Variants in FKTN observed in about 807,000 individuals in gnomAD.
The protein encoded by FKTN is fukutin.
In FKTN, 47 loss-of-function variants were observed where a neutral mutation model predicts 58.6. That is an observed-to-expected ratio of 0.80 (90% CI 0.63 to 1.02). FKTN has a LOEUF of 1.02. Ranked by LOEUF, FKTN falls within the 50% of genes least tolerant of loss-of-function variation. FKTN has a pLI of 0.00. For synonymous variants in FKTN, 178 were observed against 191.9 expected, an observed-to-expected ratio of 0.93 and a Z score of 0.60; for missense variants, 516 against 537.3, an observed-to-expected ratio of 0.96 and a Z score of 0.39.
At chr9:105,630,288 G>A (rs570751519) in intron 10 of FKTN, among the ~76,000 whole-genome samples, 73 of 152,226 alleles carry the variant, frequency 4.8e-4, no homozygotes, top group Admixed American at 1.2e-3. Flanking sequence ...ACAAAATGCG[G>A]TAGATAACTA....
chr9:105,640,174 A>G lies in FKTN; in HGVS notation c.*4910A>G. ...GACTGAAATCCTAATTACAGTTCATAAGTGAAACAGACTAATTCAATGGCA... is the reference window on the plus strand; with the variant it reads ...GACTGAAATCCTAATTACAGTTCATGAGTGAAACAGACTAATTCAATGGCA... On this transcript the variant is annotated 3_prime_UTR_variant, in exon 11 of 11. Coordinates refer to ENST00000357998, the MANE Select transcript of FKTN (RefSeq NM_001079802.2). 1 of 1,534,250 alleles carries G rather than the reference A, an allele frequency of 6.5e-7. No homozygotes were observed.
chr9:105,596,116 G>A (rs1400259323), intron 3 of FKTN, among the ~76,000 whole-genome samples: 1 of 152,146 alleles, frequency 6.6e-6, no homozygotes, highest in East Asian at 1.9e-4. Context: ...TGTTTACCTT[G>A]CAGGATTGTT....
intron 3 of FKTN, among the ~76,000 whole-genome samples, chr9:105,589,497 A>T (rs1321299538): frequency 6.6e-6 from 1 of 151,292 alleles, no homozygotes; most frequent in Non-Finnish European, 1.5e-5. Flanking sequence ...ATGAGACTCC[A>T]TCTCAAAAAA....
chr9:105,576,422 GT>G (rs1841719210), intron 3 of FKTN, among the ~76,000 whole-genome samples: 2 of 151,568 alleles, frequency 1.3e-5, no homozygotes, highest in South Asian at 4.2e-4. Context: ...GCGGTGTTTG[GT>G]TTTTTGTTCT....
rs2132018294 is a variant in FKTN at position 105,575,125 on chromosome 9, T to C, written c.93T>C (p.Tyr31=). Residue 31 remains tyrosine (Y), a synonymous_variant, in exon 3 of 11, where the codon TAT becomes TAC. Coordinates refer to ENST00000357998, the MANE Select transcript of FKTN (RefSeq NM_001079802.2). ...TTCAGTTGTACTACTACAAGCACTA[T>C]TTATCAACAAAGGTAATTTTATTCC... ...LLFQLYYYKH[Y]LSTKNGAGLS... The C allele has an allele frequency of 6.3e-7, 1 of 1,579,746 alleles. No homozygotes were observed. Among genetic ancestry groups the C allele is most frequent in the Non-Finnish European group, 8.7e-7 (1 of 1,148,786 alleles).
chr9:105,637,725 C>T lies in FKTN; in HGVS notation c.*2461C>T. 1 of 985,382 alleles carries T rather than the reference C, an allele frequency of 1.0e-6. No homozygotes were observed. The highest frequency in any genetic ancestry group is 1.2e-6 in the Non-Finnish European group (1 of 829,930). 61.0% of individuals were successfully genotyped at this position (985,382 alleles called of 1,614,324 possible). ...GACAACTTGTTGGTAGTTAGGCACC[C>T]ATGAATGTCTCCAGAGACATCCTGA... On this transcript the variant is annotated 3_prime_UTR_variant, in exon 11 of 11. Transcript: ENST00000357998.
intron 1 of FKTN, among the ~76,000 whole-genome samples, chr9:105,572,651 G>A (rs1564207200): frequency 6.6e-6 from 1 of 152,282 alleles, no homozygotes; most frequent in East Asian, 1.9e-4. Flanking sequence ...AGTGAATGAG[G>A]AAGTGCACAG....
chr9:105,558,729 A>C (rs1410440651), intron 1 of FKTN, among the ~76,000 whole-genome samples: 1 of 152,184 alleles, frequency 6.6e-6, no homozygotes, highest in Non-Finnish European at 1.5e-5. Flanking sequence ...GCTGTGAACA[A>C]ATGACAAAGT....
chr9:105,634,947 G>C, intron 10 of FKTN, 104 bp from the exon 11 acceptor site: 1 of 895,426 alleles, frequency 1.1e-6, no homozygotes, highest in Non-Finnish European at 1.9e-6. Context: ...CCAAAGCTGT[G>C]TAATGGGAGA....
At chr9:105,610,392 C>T (rs192607947) in intron 7 of FKTN, among the ~76,000 whole-genome samples, 88 of 152,076 alleles carry the variant, frequency 5.8e-4, no homozygotes, top group East Asian at 4.8e-3. Context: ...ATCTCCAGTC[C>T]GGTTAAAAGT....
intron 6 of FKTN, 101 bp from the exon 7 acceptor site, chr9:105,607,718 T>G (rs1829160094): frequency 2.9e-6 from 3 of 1,029,746 alleles, no homozygotes; most frequent in Non-Finnish European, 4.6e-6. Flanking sequence ...ATCAACCTGT[T>G]ATCTAGGTTT....
intron 3 of FKTN, among the ~76,000 whole-genome samples, chr9:105,582,665 C>T (rs184203459): frequency 7.3e-4 from 111 of 152,244 alleles, no homozygotes; most frequent in African/African-American, 2.3e-3. Context: ...GGCTGTTTAT[C>T]CAATGAATGT....
rs191689334 is a variant in FKTN at position 105,637,763 on chromosome 9, C to G, written c.*2499C>G. On this transcript the variant is annotated 3_prime_UTR_variant, in exon 11 of 11. Transcript: ENST00000357998. ...AGAGACATCCTGAGAGGCAAGATTC[C>G]TCTTAATTGATAACCAGGACAACCA... 3.0e-6 allele frequency: 3 copies of G among 985,342 alleles called. No individual in the cohort carries two copies. The highest frequency in any genetic ancestry group is 1.7e-5 in the African/African-American group (1 of 57,334). The allele number at this position is 985,342 out of a possible 1,614,324, so 61.0% of individuals were successfully genotyped here. A position where few individuals can be genotyped will look rare whatever the true frequency, so the allele number is the denominator to read the frequency against.
chr9:105,589,658 C>G (rs1844508642), intron 3 of FKTN, among the ~76,000 whole-genome samples: 1 of 151,934 alleles, frequency 6.6e-6, no homozygotes, highest in Non-Finnish European at 1.5e-5. Flanking sequence ...CTTGGGAAGG[C>G]TATTAATGAA....
chr9:105,627,525 T>C (rs1832889346), intron 10 of FKTN, among the ~76,000 whole-genome samples: 1 of 152,214 alleles, frequency 6.6e-6, no homozygotes, highest in South Asian at 2.1e-4. Context: ...TTTTCTGTTC[T>C]AAGATCTAAT....
intron 3 of FKTN, among the ~76,000 whole-genome samples, chr9:105,594,102 G>A (rs1826291865): frequency 1.3e-5 from 2 of 152,124 alleles, no homozygotes; most frequent in South Asian, 4.2e-4. Flanking sequence ...AAGAAAAATT[G>A]CTGGAGCAAT....
chr9:105,581,118 T>G (rs888804242), intron 3 of FKTN, among the ~76,000 whole-genome samples: 22 of 149,812 alleles, frequency 1.5e-4, no homozygotes, highest in African/African-American at 4.2e-4. Flanking sequence ...TTGAATGTCC[T>G]CCCGTAGCTC....
At chr9:105,634,932 T>C in intron 10 of FKTN, 119 bp from the exon 11 acceptor site, 1 of 836,686 alleles carries the variant, frequency 1.2e-6, no homozygotes, top group South Asian at 1.4e-5. Context: ...ATATCCACTC[T>C]CTTCCCAAAG....
At position 105,641,011 on chromosome 9, in the gene FKTN, C is replaced by G. The variant is rs1357809022; in HGVS notation, c.*5747C>G. ...TACTGTGTGGTTTTATCTTCAGGTA[C>G]AGATAGTTTGTGGTACTACTTGAAA... is the stretch of plus-strand genomic sequence containing the variant. On this transcript the variant is annotated 3_prime_UTR_variant, in exon 11 of 11. Transcript: ENST00000357998. 1 of 152,176 alleles carries G rather than the reference C, an allele frequency of 6.6e-6. No individual in the cohort carries two copies. The highest frequency in any genetic ancestry group is 6.5e-5 in the Admixed American group (1 of 15,282). The allele number at this position is 152,176 out of a possible 1,614,324, so 9.4% of individuals were successfully genotyped here. A position where few individuals can be genotyped will look rare whatever the true frequency, so the allele number is the denominator to read the frequency against.
Sources: allele counts gnomAD v4.1 joint callset (sites outside exome capture counted in the v4.1 genomes callset), GRCh38; gene constraint gnomAD v4.1.1; transcripts MANE v1.5; gene names NCBI Gene and HGNC (gene_info 2026-07-23, HGNC 2026-07-21).